The following CUX1 variants were observed in gnomAD, a reference collection of about 807,000 sequenced individuals.
CUX1 encodes cut like homeobox 1, also known as protein CASP.
In CUX1, 31 loss-of-function variants were observed where a neutral mutation model predicts 158.8. That is an observed-to-expected ratio of 0.20 (90% CI 0.15 to 0.26). The LOEUF (loss-of-function observed/expected upper bound fraction) is 0.26. Among genes scored for constraint, CUX1 ranks in the 10% least tolerant of loss-of-function variants. The probability of loss-of-function intolerance (pLI) is 1.00; values close to 1 mark genes in which losing one functional copy is unlikely to be tolerated. For missense variants in CUX1, 1,589 were observed against 2,014.6 expected, an observed-to-expected ratio of 0.79 and a Z score of 4.04; for synonymous variants, 879 against 862.1, an observed-to-expected ratio of 1.02 and a Z score of -0.34.
chr7:101,942,847 G>GCA (rs1807876889), intron 2 of CUX1, among the ~76,000 whole-genome samples: 2 of 152,222 alleles, frequency 1.3e-5, no homozygotes, highest in Non-Finnish European at 2.9e-5. Context: ...GCCTGGGGTG[G>GCA]TGGGAGCAGC....
intron 8 of CUX1, among the ~76,000 whole-genome samples, chr7:102,157,732 A>G (rs547942075): frequency 1.3e-5 from 2 of 152,120 alleles, no homozygotes; most frequent in Non-Finnish European, 2.9e-5. Context: ...GTGAGCCGAG[A>G]TCTCATCATT....
intron 2 of CUX1, among the ~76,000 whole-genome samples, chr7:101,945,135 C>T (rs968034913): frequency 6.6e-6 from 1 of 152,318 alleles, no homozygotes; most frequent in African/African-American, 2.4e-5. Context: ...GTGCTAGGTG[C>T]GTGCTGGGAG....
chr7:102,080,402 A>G (rs1827243215), intron 4 of CUX1, among the ~76,000 whole-genome samples: 1 of 152,060 alleles, frequency 6.6e-6, no homozygotes, highest in African/African-American at 2.4e-5. Context: ...TCTTAATGAG[A>G]CAGCTGGGTT....
At chr7:102,012,966 A>C (rs940653836) in intron 2 of CUX1, among the ~76,000 whole-genome samples, 3 of 152,116 alleles carry the variant, frequency 2.0e-5, no homozygotes, top group African/African-American at 7.2e-5. Flanking sequence ...AGAAACACCT[A>C]ATTCCTTGGG....
intron 21 of CUX1, among the ~76,000 whole-genome samples, chr7:102,229,414 C>G (rs782044504): frequency 4.6e-5 from 7 of 151,138 alleles, no homozygotes; most frequent in Non-Finnish European, 8.8e-5. Context: ...CGGGTTCACG[C>G]GATTCTCCTG....
At chr7:101,929,534 A>G (rs1210838885) in intron 2 of CUX1, among the ~76,000 whole-genome samples, 1 of 152,216 alleles carries the variant, frequency 6.6e-6, no homozygotes, top group Non-Finnish European at 1.5e-5. Flanking sequence ...TTCTCAGCAA[A>G]CAACTTTGTT....
At chr7:102,006,303 G>A (rs996024837) in intron 2 of CUX1, among the ~76,000 whole-genome samples, 3 of 152,126 alleles carry the variant, frequency 2.0e-5, no homozygotes, top group Non-Finnish European at 4.4e-5. Flanking sequence ...GCCTCGTCAG[G>A]CTCTCTGCTG....
rs115796005 is a variant in CUX1, at chr7:102,146,078, G to A, written c.675-12482G>A. ...TTTCACTTGATTTTAAAGAACAAAG[G>A]AACCTGCACACCCAGCCTGCTCTCC... On this transcript the variant is annotated intron_variant, in intron 8 of 23. Transcript: ENST00000292535. Among the ~76,000 whole-genome samples the A allele has an allele frequency of 3.5e-3, 530 of 152,222 alleles. 5 individuals are homozygous for A. Among genetic ancestry groups the A allele is most frequent in the African/African-American group, 0.012 (504 of 41,538 alleles).
At chr7:102,035,099 GAA>G (rs1821274263) in intron 3 of CUX1, among the ~76,000 whole-genome samples, 1 of 144,020 alleles carries the variant, frequency 6.9e-6, no homozygotes, top group South Asian at 2.2e-4. Context: ...AAAATTCCCA[GAA>G]AACCAGGAAC....
chr7:101,872,627 C>T (rs60464978), intron 1 of CUX1, among the ~76,000 whole-genome samples: 23,966 of 150,346 alleles, frequency 0.16, 2,098 homozygotes, highest in Middle Eastern at 0.34. Context: ...TTTCTGTATG[C>T]GTGAAATATT....
intron 9 of CUX1, among the ~76,000 whole-genome samples, chr7:102,163,950 G>A (rs1236770120): frequency 2.0e-5 from 3 of 152,134 alleles, no homozygotes; most frequent in Non-Finnish European, 2.9e-5. Flanking sequence ...GTAGCAGAGG[G>A]GTCGGCACCT....
chr7:102,268,700 G>T (rs1485746089), intron 14 of CUX1, among the ~76,000 whole-genome samples: 1 of 152,150 alleles, frequency 6.6e-6, no homozygotes, highest in East Asian at 1.9e-4. Flanking sequence ...GCGTGGCGCT[G>T]GTGTCGGTTT....
At chr7:101,817,478 G>A (rs1442329751), upstream of CUX1, 2 of 1,088,954 alleles carry the variant, frequency 1.8e-6, no homozygotes, top group African/African-American at 3.3e-5. The surrounding 1 kb of genome is among the most constrained non-coding windows in gnomAD (Gnocchi z 4.1). Context: ...GGGGGACCGT[G>A]CCGGGGCTCC....
chr7:102,227,778 A>G (rs1266440829), intron 21 of CUX1, 109 bp downstream of exon 21: 49 of 1,119,320 alleles, frequency 4.4e-5, no homozygotes, highest in Non-Finnish European at 5.8e-5. Flanking sequence ...CAACTTGTGT[A>G]GGCACCCTTT....
At chr7:101,856,017 A>C (rs1214867920) in intron 1 of CUX1, among the ~76,000 whole-genome samples, 2 of 151,834 alleles carry the variant, frequency 1.3e-5, no homozygotes, top group Admixed American at 1.3e-4. Flanking sequence ...CCGTCTGTAC[A>C]AAAAATAAGA....
At chr7:101,983,459 T>C (rs560330065) in intron 2 of CUX1, among the ~76,000 whole-genome samples, 1 of 152,144 alleles carries the variant, frequency 6.6e-6, no homozygotes, top group Non-Finnish European at 1.5e-5. Context: ...CCTGGGCCCA[T>C]GGCCACTGAC....
chr7:102,066,862 A>C (rs976543809), intron 3 of CUX1, among the ~76,000 whole-genome samples: 1 of 152,262 alleles, frequency 6.6e-6, no homozygotes. Flanking sequence ...CAAAATTTGT[A>C]ATAGATACTG....
chr7:102,259,741 TAAAAAAAA>T (rs11306437), downstream of CUX1, among the ~76,000 whole-genome samples: 1 of 74,578 alleles, frequency 1.3e-5, no homozygotes, highest in Admixed American at 1.2e-4. Context: ...TAAGAAATGT[TAAAAAAAA>T]AAAAAAAAGA....
chr7:101,969,404 G>A (rs925650647), intron 2 of CUX1, among the ~76,000 whole-genome samples: 14 of 141,418 alleles, frequency 9.9e-5, no homozygotes, highest in African/African-American at 2.9e-4. Context: ...AGATTTTCCT[G>A]TACTGTAAAG....
Sources: allele counts gnomAD v4.1 joint callset (sites outside exome capture counted in the v4.1 genomes callset), GRCh38; gene constraint gnomAD v4.1.1; non-coding constraint Gnocchi (gnomAD v3.1); transcripts MANE v1.5; gene names NCBI Gene and HGNC (gene_info 2026-07-23, HGNC 2026-07-21).